Variants in TOX observed in about 807,000 individuals in gnomAD.
TOX encodes the protein thymocyte selection-associated high mobility group box protein TOX.
In TOX, 11 loss-of-function variants were observed where a neutral mutation model predicts 53.7. The observed-to-expected ratio is 0.20, with a 90% CI of 0.13 to 0.34. TOX has a LOEUF of 0.34. Among genes scored for constraint, TOX ranks in the 10% least tolerant of loss-of-function variants. The pLI is 1.00. For missense variants in TOX, 570 were observed against 664.6 expected, an observed-to-expected ratio of 0.86 and a Z score of 1.56; for synonymous variants, 225 against 245.3, an observed-to-expected ratio of 0.92 and a Z score of 0.77.
rs185091216 is a variant in TOX, at chr8:58,834,149, C to T, written c.924+3932G>A. On this transcript the variant is annotated intron_variant, in intron 5 of 8. Transcript: ENST00000361421. ...ATGCAATTGTAATCTCACTAATAGC[C>T]GTTTTTCCTTAAATATTGTAATTTT... Among the ~76,000 whole-genome samples, 348 of 152,260 alleles carry T rather than the reference C, an allele frequency of 2.3e-3. 1 individual carries two copies. Among genetic ancestry groups the T allele is most frequent in the Admixed American group, 3.5e-3 (53 of 15,290 alleles).
At chr8:59,061,713 AC>A (rs1157376370) in intron 1 of TOX, among the ~76,000 whole-genome samples, 2 of 151,794 alleles carry the variant, frequency 1.3e-5, no homozygotes, top group Non-Finnish European at 2.9e-5. Flanking sequence ...CCATCATTTA[AC>A]ACTTTCCTAT....
rs1586030551 is a variant in TOX, at chr8:59,118,277, A to T, written c.102+609T>A. On this transcript the variant is annotated intron_variant, in intron 1 of 8. Coordinates refer to ENST00000361421, the MANE Select transcript of TOX (RefSeq NM_014729.3). The surrounding 1 kb of genome is among the most constrained non-coding windows in gnomAD (Gnocchi z 4.1). Reference sequence around the variant, plus strand: ...CTGTTCCCCAAACCTTGACCCAGCTACCCCGCTGTGCTCTGGCCCGCGGAC... The same window carrying T: ...CTGTTCCCCAAACCTTGACCCAGCTTCCCCGCTGTGCTCTGGCCCGCGGAC... 6.6e-6 allele frequency among the ~76,000 whole-genome samples: 1 copy of T among 151,734 alleles called. No individual in the cohort carries two copies.
intron 1 of TOX, among the ~76,000 whole-genome samples, chr8:59,101,774 A>G (rs1033009345): frequency 6.6e-6 from 1 of 152,228 alleles, no homozygotes; most frequent in East Asian, 1.9e-4. Context: ...GAAAAGGGGG[A>G]AAAATCCAAA....
At position 58,976,628 on chromosome 8, in the gene TOX, C is replaced by T. The variant is rs1422325718; in HGVS notation, c.103-16620G>A. ...GTTTTTACTTTACCTTTCCCAGGTC[C>T]ATCAAAGGAATCATTATTTATGGCA... is the stretch of plus-strand genomic sequence containing the variant. On this transcript the variant is annotated intron_variant, in intron 1 of 8. Coordinates refer to ENST00000361421, the MANE Select transcript of TOX (RefSeq NM_014729.3). Among the ~76,000 whole-genome samples, 8 of 152,282 alleles carry T rather than the reference C, an allele frequency of 5.3e-5. No individual in the cohort carries two copies. In the East Asian group the frequency reaches 1.3e-3, roughly 26 times the overall value.
At chr8:58,972,506 T>C (rs1045401749) in intron 1 of TOX, among the ~76,000 whole-genome samples, 1 of 152,210 alleles carries the variant, frequency 6.6e-6, no homozygotes, top group Admixed American at 6.5e-5. Flanking sequence ...TTAAATATAG[T>C]AGTACGACAT....
intron 1 of TOX, among the ~76,000 whole-genome samples, chr8:59,056,914 T>C (rs1803899069): frequency 6.6e-6 from 1 of 152,208 alleles, no homozygotes; most frequent in African/African-American, 2.4e-5. Flanking sequence ...AACTGCACAC[T>C]TACTTGAACA....
chr8:59,096,028 C>T (rs538825582), intron 1 of TOX, among the ~76,000 whole-genome samples: 2 of 152,182 alleles, frequency 1.3e-5, no homozygotes, highest in Non-Finnish European at 2.9e-5. Flanking sequence ...AACTCCCCAC[C>T]TCTCCCCAAC....
intron 6 of TOX, among the ~76,000 whole-genome samples, chr8:58,816,073 A>C (rs1810172756): frequency 6.6e-6 from 1 of 152,248 alleles, no homozygotes; most frequent in Non-Finnish European, 1.5e-5. Flanking sequence ...AATGGGAAAC[A>C]CACGTGAAGA....
intron 1 of TOX, among the ~76,000 whole-genome samples, chr8:59,080,626 C>T (rs570263707): frequency 1.6e-4 from 24 of 152,192 alleles, no homozygotes; most frequent in Non-Finnish European, 2.1e-4. Flanking sequence ...TGGGACCTGG[C>T]GGGAGGTGTT....
intron 6 of TOX, among the ~76,000 whole-genome samples, chr8:58,826,225 C>T (rs1365996410): frequency 5.9e-5 from 9 of 152,182 alleles, no homozygotes; most frequent in African/African-American, 1.9e-4. Flanking sequence ...TGCTTATAGA[C>T]TCAGTCCATT....
chr8:58,923,681 C>G (rs1812110881), intron 3 of TOX, among the ~76,000 whole-genome samples: 1 of 152,134 alleles, frequency 6.6e-6, no homozygotes, highest in Non-Finnish European at 1.5e-5. Context: ...ATACATACCT[C>G]ATTTGTTTTG....
chr8:59,029,650 T>C (rs1814315538), intron 1 of TOX, among the ~76,000 whole-genome samples: 1 of 152,130 alleles, frequency 6.6e-6, no homozygotes, highest in Non-Finnish European at 1.5e-5. Flanking sequence ...TTTTTTAAAA[T>C]GTGGTAGCAA....
chr8:59,055,176 T>G (rs1803868900), intron 1 of TOX, among the ~76,000 whole-genome samples: 1 of 152,172 alleles, frequency 6.6e-6, no homozygotes, highest in Non-Finnish European at 1.5e-5. Context: ...AAAACTAAGC[T>G]TGCTGTGATA....
chr8:59,004,685 C>A (rs1339040225), intron 1 of TOX, among the ~76,000 whole-genome samples: 1 of 152,116 alleles, frequency 6.6e-6, no homozygotes, highest in East Asian at 1.9e-4. Context: ...GGTAACATAT[C>A]TGAAAAATGG....
intron 1 of TOX, among the ~76,000 whole-genome samples, chr8:59,087,525 C>A (rs189812097): frequency 1.3e-5 from 2 of 152,192 alleles, no homozygotes; most frequent in Admixed American, 6.5e-5. Context: ...GTCTGTCCCC[C>A]CCTTTACTCT....
intron 1 of TOX, among the ~76,000 whole-genome samples, chr8:59,036,865 T>C (rs1405701021): frequency 6.6e-6 from 1 of 152,236 alleles, no homozygotes; most frequent in African/African-American, 2.4e-5. Context: ...GAAAGTCATC[T>C]TTCTGTCTTT....
chr8:58,973,169 A>C (rs1409650742), intron 1 of TOX, among the ~76,000 whole-genome samples: 2 of 152,222 alleles, frequency 1.3e-5, no homozygotes, highest in African/African-American at 2.4e-5. Context: ...CCTATTCCCC[A>C]TTCTACATAA....
intron 1 of TOX, among the ~76,000 whole-genome samples, chr8:59,007,054 G>C (rs988262093): frequency 1.3e-5 from 2 of 152,192 alleles, no homozygotes; most frequent in Admixed American, 1.3e-4. Flanking sequence ...TGTCTGCAAA[G>C]TTTAAGAGAA....
At chr8:59,089,878 C>T (rs1252124654) in intron 1 of TOX, among the ~76,000 whole-genome samples, 1 of 152,180 alleles carries the variant, frequency 6.6e-6, no homozygotes, top group African/African-American at 2.4e-5. Flanking sequence ...GCCACCATGC[C>T]CAGCCAAAAC....
Sources: allele counts gnomAD v4.1 joint callset (sites outside exome capture counted in the v4.1 genomes callset), GRCh38; gene constraint gnomAD v4.1.1; non-coding constraint Gnocchi (gnomAD v3.1); transcripts MANE v1.5; gene names NCBI Gene and HGNC (gene_info 2026-07-23, HGNC 2026-07-21).